BEND2: variants seen among roughly 807,000 people sequenced by gnomAD.
BEND2 encodes BEN domain-containing protein 2.
In BEND2, 19 loss-of-function variants were observed where a neutral mutation model predicts 43.8. That is an observed-to-expected ratio of 0.43 (90% CI 0.30 to 0.64). The LOEUF (loss-of-function observed/expected upper bound fraction) is 0.64. BEND2 is among the 30% of genes least tolerant of loss of function. The pLI, the probability that BEND2 is intolerant of heterozygous loss-of-function variation, is 0.11. For synonymous variants in BEND2, 226 were observed against 210.1 expected, an observed-to-expected ratio of 1.08 and a Z score of -0.66; for missense variants, 544 against 574.0, an observed-to-expected ratio of 0.95 and a Z score of 0.53.
intron 9 of BEND2, among the ~76,000 whole-genome samples, 167 bp downstream of exon 9, chrX:18,180,343 T>C (rs1046478388): frequency 3.6e-5 from 4 of 112,674 alleles, no homozygotes; most frequent in African/African-American, 1.3e-4. Context: ...TTTAGCACAG[T>C]GCCTTGCACG....
At chrX:18,184,608 G>A (rs1173984050) in intron 8 of BEND2, among the ~76,000 whole-genome samples, 2 of 112,375 alleles carry the variant, frequency 1.8e-5, no homozygotes, top group African/African-American at 6.5e-5. Flanking sequence ...GGTGTCCCCT[G>A]ATGCAGACAT....
At chrX:18,166,357 G>T (rs17312846) in intron 13 of BEND2, among the ~76,000 whole-genome samples, 43,694 of 110,395 alleles carry the variant, frequency 0.4, 6,790 homozygotes, top group Middle Eastern at 0.49. Context: ...TGGGGGAAAA[G>T]GTTCTAGTTG....
intron 10 of BEND2, 102 bp from the exon 11 acceptor site, chrX:18,176,195 G>A (rs1190042295): frequency 1.5e-6 from 1 of 677,751 alleles, no homozygotes; most frequent in Non-Finnish European, 2.1e-6. Flanking sequence ...GTTACATTGT[G>A]TAATGGTGAG....
chrX:18,207,447 T>C (rs1925372199), intron 4 of BEND2, among the ~76,000 whole-genome samples: 1 of 111,073 alleles, frequency 9.0e-6, no homozygotes, highest in African/African-American at 3.3e-5. Flanking sequence ...TTGAGACATC[T>C]TGATACACAT....
At chrX:18,165,361 A>G in intron 13 of BEND2, 138 bp from the exon 14 acceptor site, 1 of 487,521 alleles carries the variant, frequency 2.1e-6, no homozygotes, top group East Asian at 3.6e-5. Context: ...GGCTATAATC[A>G]TTATTAAATT....
Position 18,164,933 on chromosome X carries a change from T to A in BEND2, c.*76A>T. 1 of 1,057,623 alleles carries A rather than the reference T, an allele frequency of 9.5e-7. No homozygotes were observed. The highest frequency in any genetic ancestry group is 2.8e-5 in the Admixed American group (1 of 35,657). 87.2% of individuals were successfully genotyped at this position (1,057,623 alleles called of 1,213,427 possible). ...TACTCTGCCAGTACAGCAGGCTGAT[T>A]TTGGAATTAGAACTTGAGAAACTTA... On this transcript the variant is annotated 3_prime_UTR_variant, in exon 14 of 14. Coordinates refer to ENST00000380033, the MANE Select transcript of BEND2 (RefSeq NM_153346.5).
intron 7 of BEND2, among the ~76,000 whole-genome samples, chrX:18,194,432 T>A (rs1416694921): frequency 5.4e-5 from 6 of 110,131 alleles, no homozygotes; most frequent in Non-Finnish European, 1.1e-4. Flanking sequence ...ACTGTTCCTA[T>A]CTGTACCATG....
chrX:18,165,465 C>T (rs187393749), intron 13 of BEND2, among the ~76,000 whole-genome samples: 1 of 112,068 alleles, frequency 8.9e-6, no homozygotes, highest in East Asian at 2.8e-4. Flanking sequence ...GACCTTGCCA[C>T]ATACCAGAAT....
At chrX:18,199,346 G>A (rs1218294836) in intron 6 of BEND2, among the ~76,000 whole-genome samples, 1 of 111,468 alleles carries the variant, frequency 9.0e-6, no homozygotes, top group Non-Finnish European at 1.9e-5. Context: ...GGAGATTGGG[G>A]GAGGTGGCTA....
intron 9 of BEND2, 101 bp downstream of exon 9, chrX:18,180,409 C>T (rs1924340898): frequency 9.0e-7 from 1 of 1,106,317 alleles, no homozygotes; most frequent in Non-Finnish European, 1.2e-6. Flanking sequence ...AAAACCTATC[C>T]TCAAAATAGG....
Position 18,165,163 on chromosome X carries a change from G to C in BEND2, c.2246C>G (p.Ser749Trp), listed in dbSNP as rs774047430. 1 of 1,209,969 alleles carries C rather than the reference G, an allele frequency of 8.3e-7. No individual in the cohort carries two copies. The highest frequency in any genetic ancestry group is 1.1e-6 in the Non-Finnish European group (1 of 895,162). The change falls in exon 14 of 14, where the codon TCG becomes TGG. Residue 749 changes from serine to tryptophan, a missense_variant. Coordinates refer to ENST00000380033, the MANE Select transcript of BEND2 (RefSeq NM_153346.5). ...ACCGCTGTTGATGGAGGTCACACAC[G>C]ACTTCCAGTCTCTTCCATTTTCCGA... ...DLSENGRDWK[S>W]CVTSINSGIR...
intron 8 of BEND2, among the ~76,000 whole-genome samples, chrX:18,190,757 C>G (rs933310408): frequency 5.0e-5 from 5 of 100,216 alleles, no homozygotes; most frequent in Non-Finnish European, 1.0e-4. Flanking sequence ...CTCTCTCTCT[C>G]TCTCTCTCTC....
chrX:18,203,330 A>C (rs1416618146), intron 5 of BEND2, among the ~76,000 whole-genome samples, 171 bp downstream of exon 5: 1 of 111,965 alleles, frequency 8.9e-6, no homozygotes, highest in Non-Finnish European at 1.9e-5. Context: ...ACTGGGGAAA[A>C]TTGGGGAAAG....
chrX:18,167,861 C>T (rs1184305216), intron 13 of BEND2, among the ~76,000 whole-genome samples: 2 of 112,394 alleles, frequency 1.8e-5, no homozygotes, highest in East Asian at 2.8e-4. Context: ...CCACTGTGCC[C>T]GACCTGACCG....
At position 18,164,854 on chromosome X, in the gene BEND2, T is replaced by A. The variant is rs1263097051; in HGVS notation, c.*155A>T. The A allele has an allele frequency of 2.0e-6, 1 of 509,100 alleles. No homozygotes were observed. Among genetic ancestry groups the A allele is most frequent in the East Asian group, 3.6e-5 (1 of 27,830 alleles). The allele number at this position is 509,100 out of a possible 1,213,427, so 42.0% of individuals were successfully genotyped here. Reference sequence around the variant, plus strand: ...CGTATCTTCCTAATGTGATTCTACCTCCTTTATGAGCAGAAAAAGAGGTTT... The same window carrying A: ...CGTATCTTCCTAATGTGATTCTACCACCTTTATGAGCAGAAAAAGAGGTTT... On this transcript the variant is annotated 3_prime_UTR_variant, in exon 14 of 14. Transcript: ENST00000380033.
In BEND2 at chrX:18,164,977, TAA is replaced by T. The variant is rs374435315; in HGVS notation, c.*30_*31del. 2,515 of 1,012,888 alleles carry T rather than the reference TAA, an allele frequency of 2.5e-3. No individual in the cohort carries two copies. Among genetic ancestry groups the T allele is most frequent in the Admixed American group, 4.0e-3 (134 of 33,572 alleles). 83.5% of individuals were successfully genotyped at this position (1,012,888 alleles called of 1,213,427 possible). A position where few individuals can be genotyped will look rare whatever the true frequency, so the allele number is the denominator to read the frequency against. On this transcript the variant is annotated 3_prime_UTR_variant, in exon 14 of 14. Transcript: ENST00000380033. Reference sequence around the variant, plus strand: ...AAACTTACAAAATAGTCTTAACAGTTAAAAAAAAAAAAAAAGTTTGGCAGCTG... The same window carrying T: ...AAACTTACAAAATAGTCTTAACAGTTAAAAAAAAAAAAAGTTTGGCAGCTG...
chrX:18,201,891 C>T lies in BEND2; in HGVS notation c.957G>A (p.Ala319=), dbSNP rs775765750. 9.9e-6 allele frequency: 12 copies of T among 1,209,598 alleles called. No individual in the cohort carries two copies. Among genetic ancestry groups the T allele is most frequent in the East Asian group, 3.0e-5 (1 of 33,675 alleles). ...ANSSKNSTET[A]NYPTLMGNYN... ...AATTTCCCATTAAAGTTGGATAATT[C>T]GCTGTCTCAGTGCTGTTTTTACTGC... Residue 319 remains alanine, a synonymous_variant, in exon 6 of 14, where the codon GCG becomes GCA. Transcript: ENST00000380033.
chrX:18,177,838 G>C (rs1233836237), intron 9 of BEND2, 69 bp from the exon 10 acceptor site: 13 of 878,260 alleles, frequency 1.5e-5, no homozygotes, highest in Non-Finnish European at 2.1e-5. Context: ...AAGTACACAA[G>C]AGAATTACAC....
intron 13 of BEND2, among the ~76,000 whole-genome samples, chrX:18,169,733 A>C (rs1193269710): frequency 8.9e-6 from 1 of 112,350 alleles, no homozygotes; most frequent in Non-Finnish European, 1.9e-5. Context: ...TCTACAAAGC[A>C]ATAGAACTTT....
Sources: gnomAD v4.1 joint callset for allele counts (sites outside exome capture counted in the v4.1 genomes callset) on GRCh38, gnomAD v4.1.1 for gene constraint, MANE v1.5 for transcripts, NCBI Gene and HGNC (gene_info 2026-07-23, HGNC 2026-07-21) for gene names.